The following WDR7 variants were observed in gnomAD, a reference collection of about 807,000 sequenced individuals.
The protein encoded by WDR7 is WD repeat domain 7.
Under a neutral mutation model 169.4 loss-of-function variants are expected in WDR7, and 46 were observed. The observed-to-expected ratio is 0.27, with a 90% CI of 0.21 to 0.35. The LOEUF (loss-of-function observed/expected upper bound fraction) is 0.35, where lower values mean the gene tolerates loss of function less well. Among genes scored for constraint, WDR7 ranks in the 10% least tolerant of loss-of-function variants. The pLI is 1.00. For synonymous variants in WDR7, 612 were observed against 666.8 expected (o/e 0.92, Z 1.27); for missense variants, 1,534 against 1,859.3 (o/e 0.83, Z 3.22).
At chr18:57,018,779 C>T (rs886856162) in intron 26 of WDR7, among the ~76,000 whole-genome samples, 1 of 152,008 alleles carries the variant, frequency 6.6e-6, no homozygotes, top group Non-Finnish European at 1.5e-5. Context: ...TCAGATTGGC[C>T]CAATAGAATT....
At chr18:56,847,775 G>A (rs894862298) in intron 20 of WDR7, among the ~76,000 whole-genome samples, 11 of 152,196 alleles carry the variant, frequency 7.2e-5, no homozygotes, top group African/African-American at 2.7e-4. Context: ...TCCAGAGGGC[G>A]AAAGCTATAA....
At chr18:56,990,710 G>A (rs928889567) in intron 26 of WDR7, among the ~76,000 whole-genome samples, 3 of 152,082 alleles carry the variant, frequency 2.0e-5, no homozygotes, top group Admixed American at 6.5e-5. Flanking sequence ...ATAATACTTA[G>A]GAGGTAAGCT....
chr18:56,792,765 AACAC>A lies in WDR7; in HGVS notation c.3190+11133_3190+11136del, dbSNP rs10551903. Among the ~76,000 whole-genome samples the A allele has an allele frequency of 7.8e-4, 115 of 147,696 alleles. 1 individual carries two copies. Among genetic ancestry groups the A allele is most frequent in the South Asian group, 1.9e-3 (9 of 4,646 alleles). ...CTTGCTTTAACAAATTATTTTCTTT[AACAC>A]ACACACACACACACACACACACAGA... On this transcript the variant is annotated intron_variant, in intron 19 of 27. Transcript: ENST00000254442.
At chr18:56,878,832 G>C (rs1303453004) in intron 20 of WDR7, among the ~76,000 whole-genome samples, 1 of 152,130 alleles carries the variant, frequency 6.6e-6, no homozygotes, top group African/African-American at 2.4e-5. Flanking sequence ...TTTGTGACCA[G>C]CTTCTTCCCC....
chr18:56,889,401 T>C (rs2046236667), intron 21 of WDR7, among the ~76,000 whole-genome samples: 1 of 152,236 alleles, frequency 6.6e-6, no homozygotes, highest in Admixed American at 6.5e-5. Flanking sequence ...AGCTGATCAT[T>C]GACCATTTAC....
At chr18:56,900,423 A>G (rs2046386969) in intron 21 of WDR7, among the ~76,000 whole-genome samples, 1 of 152,122 alleles carries the variant, frequency 6.6e-6, no homozygotes, top group South Asian at 2.1e-4. Context: ...TAGAAACCAC[A>G]TCAGTTACCT....
At chr18:56,854,296 A>G (rs1389859939) in intron 20 of WDR7, among the ~76,000 whole-genome samples, 2 of 152,234 alleles carry the variant, frequency 1.3e-5, no homozygotes, top group African/African-American at 4.8e-5. Flanking sequence ...CGAGTTAATT[A>G]ATTTGCTAAA....
intron 9 of WDR7, 97 bp downstream of exon 9, chr18:56,691,914 C>A: frequency 1.2e-6 from 1 of 855,066 alleles, no homozygotes; most frequent in Non-Finnish European, 1.8e-6. Flanking sequence ...AAATTTGATA[C>A]AATTCAAAGC....
chr18:56,714,480 C>T (rs1398173563), intron 12 of WDR7, among the ~76,000 whole-genome samples: 4 of 149,170 alleles, frequency 2.7e-5, no homozygotes, highest in Admixed American at 1.3e-4. Flanking sequence ...AGTCTCACTC[C>T]GTCATCCAGG....
At chr18:56,964,922 T>A (rs1229266537) in intron 26 of WDR7, among the ~76,000 whole-genome samples, 3 of 152,180 alleles carry the variant, frequency 2.0e-5, no homozygotes. Flanking sequence ...TCTTAAGCTA[T>A]TCTCTTAATT....
At chr18:56,759,440 C>G (rs987245393) in intron 16 of WDR7, among the ~76,000 whole-genome samples, 2 of 151,994 alleles carry the variant, frequency 1.3e-5, no homozygotes, top group Non-Finnish European at 2.9e-5. Context: ...TCACCTATAG[C>G]TTTGTTTTTC....
intron 12 of WDR7, among the ~76,000 whole-genome samples, chr18:56,706,838 C>A (rs2025967564): frequency 1.3e-5 from 2 of 151,940 alleles, no homozygotes; most frequent in Non-Finnish European, 2.9e-5. Flanking sequence ...CTGGTGAATT[C>A]CACCACACCC....
At chr18:56,926,389 T>C (rs1271521793) in intron 22 of WDR7, among the ~76,000 whole-genome samples, 2 of 152,236 alleles carry the variant, frequency 1.3e-5, no homozygotes, top group Non-Finnish European at 2.9e-5. Context: ...TTGTCTGAAA[T>C]TTTGCTTTGA....
intron 20 of WDR7, among the ~76,000 whole-genome samples, chr18:56,820,685 A>T (rs1250302533): frequency 1.3e-5 from 2 of 152,100 alleles, no homozygotes; most frequent in Non-Finnish European, 2.9e-5. Context: ...AATTCTTTAC[A>T]GCTGTGTATT....
intron 21 of WDR7, among the ~76,000 whole-genome samples, chr18:56,891,298 G>C (rs548135339): frequency 1.7e-3 from 256 of 152,146 alleles, no homozygotes; most frequent in South Asian, 8.3e-3. Flanking sequence ...ACCAGAGCTT[G>C]GTTTCGAATC....
In WDR7 at chr18:56,937,549, G is replaced by A. The variant is rs551817856; in HGVS notation, c.3832-984G>A. 1.2e-4 allele frequency among the ~76,000 whole-genome samples: 19 copies of A among 152,066 alleles called. No homozygotes were observed. In the East Asian group the frequency reaches 1.7e-3, roughly 14 times the overall value. ...ATGGCTCTTCCCGGGCTAGTCCAGG[G>A]CCTGTTAATATTCTTTCTCCTCTGA... On this transcript the variant is annotated intron_variant, in intron 23 of 27. Coordinates refer to ENST00000254442, the MANE Select transcript of WDR7 (RefSeq NM_015285.3).
At chr18:56,979,731 C>T (rs2047614795) in intron 26 of WDR7, among the ~76,000 whole-genome samples, 1 of 152,122 alleles carries the variant, frequency 6.6e-6, no homozygotes, top group Admixed American at 6.5e-5. Flanking sequence ...TAGTGCTACA[C>T]ACTATTGAAG....
chr18:56,913,266 A>G (rs1156849786), intron 21 of WDR7, among the ~76,000 whole-genome samples: 3 of 152,144 alleles, frequency 2.0e-5, no homozygotes, highest in Non-Finnish European at 4.4e-5. Context: ...TTTGATGCGT[A>G]TCTAAAGTTT....
At chr18:56,859,555 C>T (rs573743647) in intron 20 of WDR7, among the ~76,000 whole-genome samples, 6 of 152,200 alleles carry the variant, frequency 3.9e-5, no homozygotes, top group Middle Eastern at 6.8e-3. Flanking sequence ...TCTATGTGTT[C>T]GCCTTCCTCC....
Sources: gnomAD v4.1 joint callset for allele counts (sites outside exome capture counted in the v4.1 genomes callset) on GRCh38, gnomAD v4.1.1 for gene constraint, MANE v1.5 for transcripts, NCBI Gene and HGNC (gene_info 2026-07-23, HGNC 2026-07-21) for gene names.